Variants in C7orf78 observed in about 807,000 individuals in gnomAD.
C7orf78 encodes the protein putative uncharacterized protein C7orf78.
At chr7:12,496,789 T>C in the C7orf78 span, 3 of 152,190 alleles carry the variant, frequency 2.0e-5, no homozygotes, top group East Asian at 1.9e-4. Context: ...TGTATCTCTA[T>C]GCAAAAAACA....
the C7orf78 span, among the ~76,000 whole-genome samples, chr7:12,497,665 C>A: frequency 1.2e-4 from 18 of 152,206 alleles, no homozygotes; most frequent in African/African-American, 3.6e-4. Context: ...GGAGGGGCGC[C>A]CACCATTGCC....
chr7:12,487,949 G>T, the C7orf78 span, among the ~76,000 whole-genome samples: 1 of 151,908 alleles, frequency 6.6e-6, no homozygotes, highest in African/African-American at 2.4e-5. Context: ...ATTCCAATTT[G>T]CCAACTAATT....
At chr7:12,534,000 T>C in the C7orf78 span, among the ~76,000 whole-genome samples, 2 of 152,226 alleles carry the variant, frequency 1.3e-5, no homozygotes, top group Non-Finnish European at 2.9e-5. Flanking sequence ...TCATCTGAAG[T>C]TGTAGTTCCT....
At chr7:12,486,051 C>G in the C7orf78 span, among the ~76,000 whole-genome samples, 1 of 152,194 alleles carries the variant, frequency 6.6e-6, no homozygotes, top group East Asian at 1.9e-4. Context: ...CTGACAATAT[C>G]AAAACTAAAT....
At chr7:12,531,104 A>T in the C7orf78 span, 9 of 398,252 alleles carry the variant, frequency 2.3e-5, no homozygotes, top group Non-Finnish European at 3.5e-5. Flanking sequence ...TGGGCAAAAA[A>T]ATTAGGATTT....
the C7orf78 span, among the ~76,000 whole-genome samples, chr7:12,488,004 C>A: frequency 3.3e-5 from 5 of 152,012 alleles, no homozygotes; most frequent in Admixed American, 3.3e-4. Context: ...ACTCTGTTAC[C>A]ACATTTTTCA....
chr7:12,495,350 T>C, the C7orf78 span, among the ~76,000 whole-genome samples: 7 of 152,338 alleles, frequency 4.6e-5, no homozygotes, highest in African/African-American at 1.7e-4. Flanking sequence ...CAATGTCCAG[T>C]CTTAAAGCAC....
the C7orf78 span, among the ~76,000 whole-genome samples, chr7:12,533,870 C>T: frequency 8.5e-4 from 129 of 152,282 alleles, no homozygotes; most frequent in African/African-American, 3.0e-3. Context: ...ATTATTACTG[C>T]TGCCTGTAAC....
At chr7:12,506,808 T>C in the C7orf78 span, 2 of 387,328 alleles carry the variant, frequency 5.2e-6, no homozygotes, top group Non-Finnish European at 1.0e-5. Context: ...GGGACAGAGA[T>C]GACTACTGCA....
chr7:12,498,173 G>A, the C7orf78 span, among the ~76,000 whole-genome samples: 2 of 152,074 alleles, frequency 1.3e-5, no homozygotes, highest in Admixed American at 6.5e-5. Context: ...AAAAAGCAGA[G>A]CGCCTCTCCT....
the C7orf78 span, among the ~76,000 whole-genome samples, chr7:12,531,738 G>T: frequency 6.6e-6 from 1 of 152,078 alleles, no homozygotes; most frequent in African/African-American, 2.4e-5. Context: ...GCATTGTCTG[G>T]GGAATTAACC....
the C7orf78 span, among the ~76,000 whole-genome samples, chr7:12,524,956 A>T: frequency 1.4e-5 from 2 of 147,188 alleles, no homozygotes; most frequent in Non-Finnish European, 3.1e-5. Flanking sequence ...ACTGAATTGG[A>T]GGCAGAGTGT....
chr7:12,505,593 T>G, the C7orf78 span, among the ~76,000 whole-genome samples: 1 of 152,160 alleles, frequency 6.6e-6, no homozygotes, highest in Non-Finnish European at 1.5e-5. Flanking sequence ...ATAAAGCCAT[T>G]CTTTTATTTT....
chr7:12,537,590 T>C, the C7orf78 span, among the ~76,000 whole-genome samples: 7 of 152,214 alleles, frequency 4.6e-5, no homozygotes, highest in Non-Finnish European at 2.9e-5. Flanking sequence ...TATACATACA[T>C]ATAACCTATG....
At chr7:12,529,449 C>G in the C7orf78 span, among the ~76,000 whole-genome samples, 3 of 152,088 alleles carry the variant, frequency 2.0e-5, no homozygotes, top group Non-Finnish European at 4.4e-5. Context: ...ATAGGGAATA[C>G]AGTGTTGATG....
the C7orf78 span, among the ~76,000 whole-genome samples, chr7:12,499,923 A>G: frequency 7.8e-6 from 1 of 127,502 alleles, no homozygotes; most frequent in Non-Finnish European, 1.6e-5. Context: ...AGTATTAAGA[A>G]TCTCACTCAA....
the C7orf78 span, among the ~76,000 whole-genome samples, chr7:12,525,437 T>C: frequency 8.1e-3 from 1,240 of 152,266 alleles, 17 homozygotes; most frequent in African/African-American, 0.028. Context: ...TGCAATTCTA[T>C]GTGTCATAAA....
At chr7:12,517,667 T>G in the C7orf78 span, among the ~76,000 whole-genome samples, 1 of 152,294 alleles carries the variant, frequency 6.6e-6, no homozygotes, top group Non-Finnish European at 1.5e-5. Flanking sequence ...TAATCTATTG[T>G]TGGAGCTTTC....
At chr7:12,535,134 C>G in the C7orf78 span, among the ~76,000 whole-genome samples, 8 of 152,272 alleles carry the variant, frequency 5.3e-5, no homozygotes, top group East Asian at 1.5e-3. Context: ...ATTGCACACC[C>G]ACCAAAATAG....
Sources: allele counts gnomAD v4.1 joint callset (sites outside exome capture counted in the v4.1 genomes callset), GRCh38; gene constraint gnomAD v4.1.1; transcripts MANE v1.5; gene names NCBI Gene and HGNC (gene_info 2026-07-23, HGNC 2026-07-21).